The following LRRC43 variants were observed in gnomAD, a reference collection of about 807,000 sequenced individuals.
LRRC43 encodes the protein leucine-rich repeat-containing protein 43.
Under a neutral mutation model 64.3 loss-of-function variants are expected in LRRC43, and 62 were observed. The observed-to-expected ratio is 0.96, with a 90% CI of 0.79 to 1.19. The LOEUF is 1.19. Ranked by LOEUF, LRRC43 falls within the 50% of genes most tolerant of loss-of-function variation. The pLI is 0.00. For missense variants in LRRC43, 868 were observed against 845.0 expected (o/e 1.03, Z -0.34); for synonymous variants, 422 against 382.3 (o/e 1.10, Z -1.21).
rs1953552668 is a variant in LRRC43 at position 122,178,060 on chromosome 12, A to G, written c.-405-6459A>G. The stretch of plus-strand genomic sequence containing the variant: ...GCCATGTTGTCCAGGCTGGTCTTGA[A>G]CTCCTGACCTCAAGTGATCCACCCA... On this transcript the variant is annotated intron_variant, in intron 1 of 5. Transcript: ENST00000537729. Among the ~76,000 whole-genome samples the G allele has an allele frequency of 2.0e-5, 3 of 150,244 alleles. No homozygotes were observed. The South Asian group carries it at 6.3e-4, about 32-fold the overall frequency.
At chr12:122,179,848 G>A (rs1953566924), upstream of LRRC43, among the ~76,000 whole-genome samples, 1 of 151,818 alleles carries the variant, frequency 6.6e-6, no homozygotes, top group Non-Finnish European at 1.5e-5. Context: ...GCGCGTGTCT[G>A]TAGTCCCAGC....
chr12:122,189,661 C>G (rs973062890), intron 4 of LRRC43: 1 of 368,580 alleles, frequency 2.7e-6, no homozygotes, highest in Non-Finnish European at 5.3e-6. Flanking sequence ...TTCTAGACCG[C>G]CCAGCCCTCC....
intron 7 of LRRC43, among the ~76,000 whole-genome samples, chr12:122,198,084 G>A (rs148287687): frequency 0.017 from 2,587 of 152,072 alleles, 34 homozygotes; most frequent in Non-Finnish European, 0.028. Context: ...GGGTTCAAGC[G>A]ATTCTCCTGC....
At chr12:122,187,408 C>G in intron 3 of LRRC43, 1 of 306,532 alleles carries the variant, frequency 3.3e-6, no homozygotes, top group South Asian at 6.7e-5. Context: ...AGACGCATTC[C>G]TATGGGTTGA....
At chr12:122,170,775 G>A (rs542003127) in intron 1 of LRRC43, among the ~76,000 whole-genome samples, 4 of 151,940 alleles carry the variant, frequency 2.6e-5, no homozygotes, top group East Asian at 3.9e-4. Flanking sequence ...ACACCTCTTC[G>A]GTCCTCAGTT....
At chr12:122,194,658 G>C (rs1188250108) in intron 7 of LRRC43, among the ~76,000 whole-genome samples, 1 of 151,202 alleles carries the variant, frequency 6.6e-6, no homozygotes, top group Admixed American at 6.6e-5. Context: ...CTTTTTTGTG[G>C]TGGGGTCTCT....
chr12:122,173,136 G>A (rs190294929), intron 1 of LRRC43, among the ~76,000 whole-genome samples: 2 of 152,182 alleles, frequency 1.3e-5, no homozygotes, highest in East Asian at 3.9e-4. Flanking sequence ...AGGCCTCCGA[G>A]ATGCAGGCGA....
chr12:122,185,348 G>T lies in LRRC43; in HGVS notation c.411+569G>T, dbSNP rs749908029. Among the ~76,000 whole-genome samples the T allele has an allele frequency of 1.1e-4, 17 of 152,086 alleles. 1 individual carries two copies. The highest frequency in any genetic ancestry group is 2.2e-4 in the Non-Finnish European group (15 of 68,010). ...AATTTAGCCAGGTATGGTGGTGCAC[G>T]CCTGTAGCCCCAGCTACTCAGAGGC... On this transcript the variant is annotated intron_variant, in intron 2 of 11. Coordinates refer to ENST00000339777, the MANE Select transcript of LRRC43 (RefSeq NM_001098519.2).
In LRRC43 at chr12:122,177,476, A is replaced by AGTGTGTGTGTGTGTGTGTGT. The variant is rs67103998; in HGVS notation, c.-405-7020_-405-7001dup. Among the ~76,000 whole-genome samples, 6 of 143,590 alleles carry AGTGTGTGTGTGTGTGTGTGT rather than the reference A, an allele frequency of 4.2e-5. No homozygotes were observed. The East Asian group carries it at 6.1e-4, about 15-fold the overall frequency. The allele number at this position is 143,590 out of a possible 152,430, so 94.2% of individuals were successfully genotyped here. A position where few individuals can be genotyped will look rare whatever the true frequency, so the allele number is the denominator to read the frequency against. ...GACCTACAAACTCTATGAGAGAGAA[A>AGTGTGTGTGTGTGTGTGTGT]GTGTGTGTGTGTGTGTGTGTGTGTG... On this transcript the variant is annotated intron_variant, in intron 1 of 5. Transcript: ENST00000537729.
At chr12:122,194,266 G>A (rs1953752365) in intron 7 of LRRC43, among the ~76,000 whole-genome samples, 1 of 151,258 alleles carries the variant, frequency 6.6e-6, no homozygotes, top group Non-Finnish European at 1.5e-5. Flanking sequence ...GGGGAACCAT[G>A]AATTCATGTC....
At chr12:122,192,568 G>T (rs1953730388) in intron 6 of LRRC43, among the ~76,000 whole-genome samples, 177 bp from the exon 7 acceptor site, 1 of 152,138 alleles carries the variant, frequency 6.6e-6, no homozygotes. Flanking sequence ...CTTAATGTAG[G>T]TCTTTCAGAA....
intron 1 of LRRC43, among the ~76,000 whole-genome samples, chr12:122,169,587 G>C (rs984640904): frequency 6.6e-6 from 1 of 151,844 alleles, no homozygotes; most frequent in Admixed American, 6.6e-5. Context: ...GTGGTGGCGG[G>C]CGCCTGTAGT....
intron 7 of LRRC43, among the ~76,000 whole-genome samples, chr12:122,197,460 T>C (rs1379516136): frequency 6.6e-6 from 1 of 152,068 alleles, no homozygotes; most frequent in Non-Finnish European, 1.5e-5. Flanking sequence ...CCACCGCGCC[T>C]GGCCCCCTTT....
At chr12:122,180,207 G>T (rs548871812), upstream of LRRC43, among the ~76,000 whole-genome samples, 16 of 152,014 alleles carry the variant, frequency 1.1e-4, no homozygotes, top group Middle Eastern at 3.4e-3. Flanking sequence ...TATTGTGGTG[G>T]TTTGGGAAGT....
At chr12:122,191,686 G>T (rs879653201) in intron 6 of LRRC43, 119 bp downstream of exon 6, 1 of 794,160 alleles carries the variant, frequency 1.3e-6, no homozygotes, top group African/African-American at 1.8e-5. Context: ...GAGGAGTCTC[G>T]CTCTGTCACC....
intron 1 of LRRC43, chr12:122,172,567 G>A: frequency 6.2e-7 from 1 of 1,614,184 alleles, no homozygotes; most frequent in South Asian, 1.1e-5. Flanking sequence ...TGAAATATGA[G>A]TTTGTCGAGG....
rs747822497 is a variant in LRRC43, at chr12:122,203,448, G to C, written c.*6G>C. On this transcript the variant is annotated 3_prime_UTR_variant, in exon 12 of 12. Coordinates refer to ENST00000339777, the MANE Select transcript of LRRC43 (RefSeq NM_001098519.2). The stretch of plus-strand genomic sequence containing the variant: ...TGCGCATGTTCGCCGTGTAGGGCGT[G>C]GGCAGTAAAGGCTGTTCCCAGCACT... The C allele has an allele frequency of 6.2e-7, 1 of 1,608,074 alleles. No homozygotes were observed.
chr12:122,169,331 C>T (rs528723426), intron 1 of LRRC43, among the ~76,000 whole-genome samples: 25 of 152,184 alleles, frequency 1.6e-4, no homozygotes, highest in Non-Finnish European at 2.9e-4. Context: ...CTTCAGCATT[C>T]TTCTGTGGAT....
rs1953512324 is a variant in LRRC43 at position 122,173,882 on chromosome 12, C to T, written c.-406+6100C>T. 3.1e-6 allele frequency: 5 copies of T among 1,614,094 alleles called. No individual in the cohort carries two copies. Among genetic ancestry groups the T allele is most frequent in the Non-Finnish European group, 4.2e-6 (5 of 1,179,994 alleles). Reference sequence around the variant, plus strand: ...ATCTTCGAGAGGGACTGTAATTCCTCGACTATTTTCTGTACATCATCACTT... The same window carrying T: ...ATCTTCGAGAGGGACTGTAATTCCTTGACTATTTTCTGTACATCATCACTT... On this transcript the variant is annotated intron_variant, in intron 1 of 5. Transcript: ENST00000537729.
Sources: gnomAD v4.1 joint callset for allele counts (sites outside exome capture counted in the v4.1 genomes callset) on GRCh38, gnomAD v4.1.1 for gene constraint, MANE v1.5 for transcripts, NCBI Gene and HGNC (gene_info 2026-07-23, HGNC 2026-07-21) for gene names.